The following CSMD1 variants were observed in gnomAD, a reference collection of about 807,000 sequenced individuals.
CSMD1 encodes the protein CUB and Sushi multiple domains 1.
CSMD1 carries 213 observed loss-of-function variants against 417.5 expected under a neutral mutation model. The ratio of observed to expected loss-of-function variants is 0.51; its 90% confidence interval spans 0.46 to 0.57. The LOEUF (loss-of-function observed/expected upper bound fraction) is 0.57, where lower values mean the gene tolerates loss of function less well. Ranked by LOEUF, CSMD1 falls within the 20% of genes least tolerant of loss-of-function variation. CSMD1 has a pLI of 0.00. For synonymous variants in CSMD1, 2,862 were observed against 1,736.8 expected (o/e 1.65, Z -16.11); for missense variants, 6,923 against 4,529.7 (o/e 1.53, Z -15.17).
chr8:3,950,386 A>C (rs949933639), intron 5 of CSMD1, among the ~76,000 whole-genome samples: 2 of 152,238 alleles, frequency 1.3e-5, no homozygotes, highest in Admixed American at 6.5e-5. Flanking sequence ...TCTCCGGTAC[A>C]GTTCCAATCG....
intron 52 of CSMD1, 121 bp downstream of exon 52, chr8:3,018,356 G>C: frequency 1.2e-6 from 1 of 853,896 alleles, no homozygotes; most frequent in Non-Finnish European, 1.8e-6. Flanking sequence ...GGGAGGTGCA[G>C]CATTTCCACC....
At chr8:4,006,525 A>G (rs1816128815) in intron 4 of CSMD1, among the ~76,000 whole-genome samples, 1 of 152,216 alleles carries the variant, frequency 6.6e-6, no homozygotes, top group South Asian at 2.1e-4. Context: ...CCTGAGCGAC[A>G]GAGTGAGGCC....
intron 26 of CSMD1, among the ~76,000 whole-genome samples, chr8:3,232,122 C>T (rs955958049): frequency 6.6e-6 from 1 of 152,114 alleles, no homozygotes; most frequent in African/African-American, 2.4e-5. Flanking sequence ...TAGAACATAC[C>T]CTTCCCCATA....
At chr8:4,272,247 G>T (rs1804649975) in intron 3 of CSMD1, among the ~76,000 whole-genome samples, 1 of 152,200 alleles carries the variant, frequency 6.6e-6, no homozygotes, top group Non-Finnish European at 1.5e-5. Context: ...GCCCTTAATA[G>T]GTTCTTCGAA....
intron 50 of CSMD1, among the ~76,000 whole-genome samples, chr8:3,048,831 C>CA (rs1356806728): frequency 1.2e-4 from 18 of 148,726 alleles, no homozygotes; most frequent in African/African-American, 4.5e-4. Context: ...TTGCAAAAGA[C>CA]ATATGGGATA....
intron 7 of CSMD1, among the ~76,000 whole-genome samples, chr8:3,680,853 C>T (rs1420852910): frequency 2.6e-5 from 4 of 152,182 alleles, no homozygotes; most frequent in African/African-American, 9.7e-5. Flanking sequence ...ATCAAGTGGG[C>T]TTCATCCCTG....
At chr8:4,461,260 G>C (rs1049892242) in intron 2 of CSMD1, among the ~76,000 whole-genome samples, 1 of 151,984 alleles carries the variant, frequency 6.6e-6, no homozygotes, top group African/African-American at 2.4e-5. Context: ...CCTGCGAAAA[G>C]CCTACAGTTA....
chr8:4,085,659 C>A (rs548927533), intron 3 of CSMD1, among the ~76,000 whole-genome samples: 1 of 152,146 alleles, frequency 6.6e-6, no homozygotes, highest in Admixed American at 6.5e-5. Flanking sequence ...TAGGTTTTTG[C>A]ATACTGTGTG....
intron 3 of CSMD1, among the ~76,000 whole-genome samples, chr8:4,126,990 G>A (rs959888993): frequency 6.6e-6 from 1 of 152,088 alleles, no homozygotes; most frequent in African/African-American, 2.4e-5. Flanking sequence ...GTGCACATTC[G>A]AGTTTGAGAG....
chr8:3,613,466 C>T (rs961302301), intron 8 of CSMD1, among the ~76,000 whole-genome samples: 1 of 151,818 alleles, frequency 6.6e-6, no homozygotes, highest in East Asian at 1.9e-4. Context: ...AAGTCTACAG[C>T]CTATCATAAC....
chr8:4,177,798 A>C (rs1798135098), intron 3 of CSMD1, among the ~76,000 whole-genome samples: 1 of 151,734 alleles, frequency 6.6e-6, no homozygotes, highest in Non-Finnish European at 1.5e-5. Flanking sequence ...AATACTACAA[A>C]CACCTCTACG....
chr8:4,168,380 G>A (rs529567181), intron 3 of CSMD1, among the ~76,000 whole-genome samples: 34 of 151,938 alleles, frequency 2.2e-4, no homozygotes, highest in African/African-American at 8.2e-4. Flanking sequence ...TGGTGACAGA[G>A]TGAGACCCTT....
intron 3 of CSMD1, among the ~76,000 whole-genome samples, chr8:4,208,780 CAGA>C (rs909380943): frequency 6.6e-5 from 10 of 152,204 alleles, no homozygotes; most frequent in Non-Finnish European, 8.8e-5. Flanking sequence ...TTACAGAAAT[CAGA>C]AGAAGAACAT....
intron 3 of CSMD1, among the ~76,000 whole-genome samples, chr8:4,363,375 T>A (rs912407787): frequency 1.3e-5 from 2 of 152,182 alleles, no homozygotes; most frequent in Non-Finnish European, 2.9e-5. Context: ...TGTGCGTGCA[T>A]GCTTTATACG....
intron 2 of CSMD1, among the ~76,000 whole-genome samples, chr8:4,534,676 A>C (rs1261799674): frequency 3.3e-5 from 5 of 152,114 alleles, no homozygotes; most frequent in Non-Finnish European, 7.4e-5. Context: ...GTTATAAGTG[A>C]GAACATGTGG....
At chr8:4,921,813 A>G (rs1466706655) in intron 1 of CSMD1, among the ~76,000 whole-genome samples, 1 of 152,150 alleles carries the variant, frequency 6.6e-6, no homozygotes, top group African/African-American at 2.4e-5. Flanking sequence ...GATCATGGCG[A>G]GAGGACTTTA....
intron 12 of CSMD1, among the ~76,000 whole-genome samples, chr8:3,412,284 G>C (rs1452972594): frequency 9.2e-5 from 14 of 151,684 alleles, no homozygotes; most frequent in African/African-American, 3.4e-4. Flanking sequence ...ATTGCAAATT[G>C]TGCTGCTATA....
At chr8:4,675,377 A>G (rs573930466) in intron 1 of CSMD1, among the ~76,000 whole-genome samples, 88 of 152,340 alleles carry the variant, frequency 5.8e-4, no homozygotes, top group African/African-American at 2.0e-3. Flanking sequence ...AATACAGGGC[A>G]AAACCTTAAG....
intron 26 of CSMD1, among the ~76,000 whole-genome samples, chr8:3,241,391 C>G (rs371063916): frequency 2.6e-5 from 4 of 152,094 alleles, no homozygotes; most frequent in African/African-American, 4.8e-5. Context: ...AAGAAGGGGA[C>G]GGTCTTACCC....
Sources: allele counts gnomAD v4.1 joint callset (sites outside exome capture counted in the v4.1 genomes callset), GRCh38; gene constraint gnomAD v4.1.1; transcripts MANE v1.5; gene names NCBI Gene and HGNC (gene_info 2026-07-23, HGNC 2026-07-21).